Variants in GLI3 observed in about 807,000 individuals in gnomAD.
GLI3 encodes the protein transcription activator GLI3.
In GLI3, 20 loss-of-function variants were observed where a neutral mutation model predicts 100.8. That is an observed-to-expected ratio of 0.20 (90% CI 0.14 to 0.29). The LOEUF (loss-of-function observed/expected upper bound fraction) is 0.29. Ranked by LOEUF, GLI3 falls within the 10% of genes least tolerant of loss-of-function variation. The probability of loss-of-function intolerance (pLI) is 1.00; values close to 1 mark genes in which losing one functional copy is unlikely to be tolerated. For synonymous variants in GLI3, 938 were observed against 860.5 expected, an observed-to-expected ratio of 1.09 and a Z score of -1.58; for missense variants, 2,040 against 2,128.5, an observed-to-expected ratio of 0.96 and a Z score of 0.82.
At chr7:41,995,492 G>A (rs948144962) in intron 10 of GLI3, among the ~76,000 whole-genome samples, 6 of 152,038 alleles carry the variant, frequency 3.9e-5, no homozygotes, top group Admixed American at 3.3e-4. Flanking sequence ...GTTCAGAGGG[G>A]TTCAGAAGCT....
chr7:42,118,490 T>G (rs570504792), intron 3 of GLI3, among the ~76,000 whole-genome samples: 1 of 152,332 alleles, frequency 6.6e-6, no homozygotes, highest in East Asian at 1.9e-4. Flanking sequence ...CCCCCAATTT[T>G]CAGTGTTTTT....
In GLI3 at chr7:41,966,098, A is replaced by G. The variant is rs1370106320; in HGVS notation, c.2975T>C (p.Leu992Pro). The G allele has an allele frequency of 6.4e-7, 1 of 1,571,674 alleles. No individual in the cohort carries two copies. The highest frequency in any genetic ancestry group is 2.3e-5 in the East Asian group (1 of 43,012). ...GGAHGYGRRH[L>P]QPHDAPGHGV... ...GTGGCCCGGCGCATCGTGCGGCTGC[A>G]GGTGGCGCCGCCCGTAGCCGTGGGC... Residue 992 changes from leucine to proline, a missense_variant, in exon 15 of 15, where the codon CTG becomes CCG. Coordinates refer to ENST00000395925, the MANE Select transcript of GLI3 (RefSeq NM_000168.6). The surrounding 1 kb of genome is among the most constrained non-coding windows in gnomAD (Gnocchi z 5.8).
rs543920475 is a variant in GLI3 at position 42,142,666 on chromosome 7, A to T, written c.367+5560T>A. ...ACAGTTCAAATCTGGAACACTAAGA[A>T]TTATCCCTAAATCTGTATTGCTTTG... On this transcript the variant is annotated intron_variant, in intron 3 of 14. Transcript: ENST00000395925. Among the ~76,000 whole-genome samples the T allele has an allele frequency of 3.3e-5, 5 of 152,002 alleles. No homozygotes were observed. In the East Asian group the frequency reaches 9.7e-4, roughly 29 times the overall value.
intron 2 of GLI3, among the ~76,000 whole-genome samples, chr7:42,178,020 T>G (rs187977709): frequency 5.3e-4 from 80 of 152,288 alleles, no homozygotes; most frequent in African/African-American, 1.9e-3. Flanking sequence ...TAGCCAAACT[T>G]GACATGGAAA....
chr7:42,185,138 T>A (rs1006636155), intron 2 of GLI3, among the ~76,000 whole-genome samples: 10 of 152,306 alleles, frequency 6.6e-5, no homozygotes, highest in African/African-American at 2.4e-4. Flanking sequence ...CCTGTGCTAC[T>A]GGGTCCCCTC....
intron 1 of GLI3, among the ~76,000 whole-genome samples, chr7:42,257,254 T>G: frequency 6.6e-6 from 1 of 152,106 alleles, no homozygotes; most frequent in East Asian, 1.9e-4. Context: ...TTTTTCTTTT[T>G]CTTTCTTTTT....
intron 1 of GLI3, among the ~76,000 whole-genome samples, chr7:42,234,884 T>C (rs1345638439): frequency 6.6e-6 from 1 of 152,204 alleles, no homozygotes. Context: ...AAGCATGCTA[T>C]TACAACTAAT....
chr7:42,102,509 A>G (rs1042789378), intron 3 of GLI3, among the ~76,000 whole-genome samples: 5 of 152,238 alleles, frequency 3.3e-5, no homozygotes, highest in Non-Finnish European at 7.3e-5. Context: ...CAAGGGTTGG[A>G]ATCAGTTTCT....
At chr7:42,060,779 G>C (rs1784551482) in intron 4 of GLI3, among the ~76,000 whole-genome samples, 1 of 152,142 alleles carries the variant, frequency 6.6e-6, no homozygotes, top group Non-Finnish European at 1.5e-5. Context: ...CCTCTATGAT[G>C]AACTAACTGT....
chr7:42,244,250 T>C (rs908629550), intron 1 of GLI3, among the ~76,000 whole-genome samples: 2 of 152,232 alleles, frequency 1.3e-5, no homozygotes, highest in African/African-American at 4.8e-5. Flanking sequence ...ATTAGTTTCT[T>C]GTAGATACCA....
chr7:42,162,932 G>A (rs991166062), intron 2 of GLI3, among the ~76,000 whole-genome samples: 11 of 151,010 alleles, frequency 7.3e-5, no homozygotes, highest in Non-Finnish European at 1.5e-4. Flanking sequence ...AAGTCCTGGG[G>A]AGGAGTGGTC....
intron 10 of GLI3, among the ~76,000 whole-genome samples, chr7:42,014,619 G>A (rs533023250): frequency 2.0e-5 from 3 of 152,084 alleles, no homozygotes; most frequent in Non-Finnish European, 4.4e-5. Flanking sequence ...CAATCTCCAT[G>A]AGATGTATCT....
intron 4 of GLI3, among the ~76,000 whole-genome samples, chr7:42,074,622 G>A (rs1222276948): frequency 6.6e-6 from 1 of 152,136 alleles, no homozygotes; most frequent in Non-Finnish European, 1.5e-5. Context: ...CAAAGACACA[G>A]GGGCGTGACA....
At chr7:42,232,400 A>C (rs1465940658) in intron 1 of GLI3, among the ~76,000 whole-genome samples, 1 of 152,212 alleles carries the variant, frequency 6.6e-6, no homozygotes, top group East Asian at 1.9e-4. Context: ...AAGTCGACAG[A>C]GTACACTTTC....
chr7:42,144,234 G>C (rs991875689), intron 3 of GLI3, among the ~76,000 whole-genome samples: 1 of 152,170 alleles, frequency 6.6e-6, no homozygotes, highest in Non-Finnish European at 1.5e-5. Flanking sequence ...GAAGAAAATT[G>C]CTGAGGAATC....
chr7:42,165,784 T>C (rs1040429895), intron 2 of GLI3, among the ~76,000 whole-genome samples: 20 of 152,212 alleles, frequency 1.3e-4, no homozygotes, highest in South Asian at 1.2e-3. Flanking sequence ...AGTATACTAA[T>C]ATTCTAAATA....
chr7:42,135,653 G>A lies in GLI3; in HGVS notation c.367+12573C>T, dbSNP rs191054425. Among the ~76,000 whole-genome samples, 453 of 152,288 alleles carry A rather than the reference G, an allele frequency of 3.0e-3. 12 individuals carry two copies. Among genetic ancestry groups the A allele is most frequent in the Admixed American group, 0.027 (415 of 15,294 alleles). On this transcript the variant is annotated intron_variant, in intron 3 of 14. Transcript: ENST00000395925. ...CATATATTTCTTTAAGTTATTGGTTGAGAATTTCCATGTCTGTCTTTAGCC... is the reference window on the plus strand; with the variant it reads ...CATATATTTCTTTAAGTTATTGGTTAAGAATTTCCATGTCTGTCTTTAGCC...
At chr7:42,173,698 C>A (rs1220112606) in intron 2 of GLI3, among the ~76,000 whole-genome samples, 1 of 152,144 alleles carries the variant, frequency 6.6e-6, no homozygotes, top group Non-Finnish European at 1.5e-5. Flanking sequence ...GCTCAGAGAA[C>A]TCTTTGGGAA....
chr7:41,981,868 T>C (rs1002766427), intron 10 of GLI3, among the ~76,000 whole-genome samples: 2 of 152,198 alleles, frequency 1.3e-5, no homozygotes, highest in African/African-American at 4.8e-5. Flanking sequence ...ATCCCAATCA[T>C]TTCCTATTTA....
Sources: allele counts gnomAD v4.1 joint callset (sites outside exome capture counted in the v4.1 genomes callset), GRCh38; gene constraint gnomAD v4.1.1; non-coding constraint Gnocchi (gnomAD v3.1); transcripts MANE v1.5; gene names NCBI Gene and HGNC (gene_info 2026-07-23, HGNC 2026-07-21).